PLA1A: variants seen among roughly 807,000 people sequenced by gnomAD.
PLA1A encodes phosphatidylserine-specific phospholipase A1alpha.
A neutral mutation model predicts 49.4 loss-of-function variants in PLA1A; 47 were observed. The observed-to-expected ratio is 0.95, with a 90% CI of 0.75 to 1.21. The LOEUF (loss-of-function observed/expected upper bound fraction) is 1.21, where lower values mean the gene tolerates loss of function less well. Ranked by LOEUF, PLA1A falls within the 50% of genes most tolerant of loss-of-function variation. The probability of loss-of-function intolerance (pLI) is 0.00; values close to 1 mark genes in which losing one functional copy is unlikely to be tolerated. For missense variants in PLA1A, 561 were observed against 563.9 expected (o/e 0.99, Z 0.05); for synonymous variants, 224 against 207.9 (o/e 1.08, Z -0.67).
intron 1 of PLA1A, among the ~76,000 whole-genome samples, chr3:119,600,012 C>T (rs1389751833): frequency 6.6e-6 from 1 of 151,536 alleles, no homozygotes; most frequent in Non-Finnish European, 1.5e-5. Context: ...TAGAAATATG[C>T]CAAAGGGAAA....
intron 9 of PLA1A, among the ~76,000 whole-genome samples, chr3:119,627,964 T>C (rs560317143): frequency 8.2e-4 from 125 of 152,320 alleles, no homozygotes; most frequent in African/African-American, 2.8e-3. Context: ...CATCTTTGTC[T>C]CAGTCCAAAG....
At position 119,598,004 on chromosome 3, in the gene PLA1A, C is replaced by A. The variant is rs182046280; in HGVS notation, c.73+18C>A. ...AAGTTCAGGTAAGCCAGGGCTCAGG[C>A]CTTGGGAGGAACTTATTTCAGTCAG... On this transcript the variant is annotated intron_variant, in intron 1 of 10. Transcript: ENST00000273371. 1,658 of 1,524,832 alleles carry A rather than the reference C, an allele frequency of 1.1e-3. 10 individuals carry two copies. The East Asian group carries it at 0.011, about 11-fold the overall frequency. The allele number at this position is 1,524,832 out of a possible 1,614,324, so 94.5% of individuals were successfully genotyped here.
Position 119,629,751 on chromosome 3 carries a change from C to A in PLA1A, c.*283C>A. On this transcript the variant is annotated 3_prime_UTR_variant, in exon 11 of 11. Coordinates refer to ENST00000273371, the MANE Select transcript of PLA1A (RefSeq NM_015900.4). ...TCCTTGGGCATTCGTACTTAGGATT[C>A]AATAGAAACATGTACAGGGTAAACA... is the stretch of plus-strand genomic sequence containing the variant. 2.6e-6 allele frequency: 1 copy of A among 389,236 alleles called. No homozygotes were observed. Among genetic ancestry groups the A allele is most frequent in the South Asian group, 7.7e-5 (1 of 13,018 alleles). 24.1% of individuals were successfully genotyped at this position (389,236 alleles called of 1,614,324 possible).
intron 9 of PLA1A, among the ~76,000 whole-genome samples, chr3:119,628,102 C>T (rs77463806): frequency 1.6e-4 from 25 of 152,322 alleles, no homozygotes; most frequent in Non-Finnish European, 2.6e-4. Context: ...CCAAACCCTA[C>T]GGTTCAAGTT....
At chr3:119,614,330 G>A (rs1008716181) in intron 5 of PLA1A, among the ~76,000 whole-genome samples, 19 of 152,074 alleles carry the variant, frequency 1.2e-4, no homozygotes, top group Non-Finnish European at 2.9e-5. Flanking sequence ...CTGGTCGGGC[G>A]TGGTGGCTCA....
At chr3:119,623,760 T>C (rs2082978704) in intron 8 of PLA1A, among the ~76,000 whole-genome samples, 1 of 148,798 alleles carries the variant, frequency 6.7e-6, no homozygotes, top group South Asian at 2.1e-4. Flanking sequence ...GTTTCACTCT[T>C]GTCACCCAGG....
chr3:119,614,327 G>A (rs2082813891), intron 5 of PLA1A, among the ~76,000 whole-genome samples: 1 of 152,072 alleles, frequency 6.6e-6, no homozygotes. Flanking sequence ...ATCCTGGTCG[G>A]GCGTGGTGGC....
intron 5 of PLA1A, among the ~76,000 whole-genome samples, chr3:119,615,746 GGT>G (rs2082837003): frequency 6.6e-6 from 1 of 152,076 alleles, no homozygotes. Context: ...GGGAGGCGGA[GGT>G]TGCAGTGAGA....
At chr3:119,615,691 G>A (rs1169104454) in intron 5 of PLA1A, among the ~76,000 whole-genome samples, 1 of 152,138 alleles carries the variant, frequency 6.6e-6, no homozygotes, top group East Asian at 1.9e-4. Flanking sequence ...GCATCCGCCT[G>A]TAATCCCAGC....
In PLA1A at chr3:119,597,955, C is replaced by A. The variant is rs1283357584; in HGVS notation, c.42C>A (p.Gly14=). The stretch of plus-strand genomic sequence containing the variant: ...GGGAGAGCTGCTTCTGGGTGGGGGG[C>A]CTCATTTTGTGGCTCAGCGTTGGAA... ...GPWESCFWVG[G]LILWLSVGSS... The change falls in exon 1 of 11, where the codon GGC becomes GGA. Residue 14 remains glycine, a synonymous_variant. Transcript: ENST00000273371. 2.5e-6 allele frequency: 4 copies of A among 1,610,292 alleles called. No homozygotes were observed. Among genetic ancestry groups the A allele is most frequent in the Admixed American group, 3.3e-5 (2 of 59,766 alleles).
At chr3:119,611,058 G>T (rs2629400) in intron 4 of PLA1A, among the ~76,000 whole-genome samples, 3 of 151,850 alleles carry the variant, frequency 2.0e-5, no homozygotes, top group Non-Finnish European at 4.4e-5. Context: ...ACCATTTATC[G>T]AATAGGGTAT....
At chr3:119,624,780 G>A (rs528457597) in intron 8 of PLA1A, among the ~76,000 whole-genome samples, 88 of 151,988 alleles carry the variant, frequency 5.8e-4, no homozygotes, top group Non-Finnish European at 1.2e-3. Flanking sequence ...ACAGGCACCC[G>A]CCACCACACC....
Position 119,616,032 on chromosome 3 carries a change from G to C in PLA1A, c.685G>C (p.Val229Leu), listed in dbSNP as rs374066099. Residue 229 changes from valine to leucine, a missense_variant, in exon 6 of 11, where the codon GTT becomes CTT. Physicochemically the swap from Val to Leu is conservative, Grantham distance 32. Transcript: ENST00000273371. ...TTCAGATTTGGGTATTCGGATTCCC[G>C]TTGGACATGTGGACTACTTCGTCAA... ...DTDNLGIRIP[V>L]GHVDYFVNGG... 1 of 1,612,358 alleles carries C rather than the reference G, an allele frequency of 6.2e-7. No homozygotes were observed. Among genetic ancestry groups the C allele is most frequent in the African/African-American group, 1.3e-5 (1 of 74,852 alleles).
At chr3:119,608,228 GAGAGAAAGAA>G (rs2082715857) in intron 2 of PLA1A, among the ~76,000 whole-genome samples, 1 of 106,502 alleles carries the variant, frequency 9.4e-6, no homozygotes, top group Non-Finnish European at 2.1e-5. Context: ...GAAAGAAAGA[GAGAGAAAGAA>G]AGAGAGAAAG....
At chr3:119,613,845 A>T (rs2082804538) in intron 5 of PLA1A, among the ~76,000 whole-genome samples, 1 of 151,898 alleles carries the variant, frequency 6.6e-6, no homozygotes, top group Non-Finnish European at 1.5e-5. Flanking sequence ...GGGAGCCGAC[A>T]TCGCGCTACT....
chr3:119,605,380 C>A (rs1026701576), intron 1 of PLA1A, among the ~76,000 whole-genome samples: 4 of 152,222 alleles, frequency 2.6e-5, no homozygotes, highest in Non-Finnish European at 5.9e-5. Flanking sequence ...GAGGTATTCT[C>A]CACAGGTGGG....
At chr3:119,607,470 C>T (rs1281734871) in intron 2 of PLA1A, among the ~76,000 whole-genome samples, 1 of 152,194 alleles carries the variant, frequency 6.6e-6, no homozygotes, top group Non-Finnish European at 1.5e-5. Flanking sequence ...TTTCTTTGAA[C>T]AGCTTTTCTC....
intron 1 of PLA1A, among the ~76,000 whole-genome samples, chr3:119,606,171 C>T (rs2082685426): frequency 6.6e-6 from 1 of 152,186 alleles, no homozygotes; most frequent in African/African-American, 2.4e-5. Context: ...AAATGTATTG[C>T]CTCACAATTC....
At chr3:119,628,915 C>T in intron 10 of PLA1A, 50 bp downstream of exon 10, 1 of 1,453,950 alleles carries the variant, frequency 6.9e-7, no homozygotes, top group African/African-American at 1.4e-5. Context: ...ACATCAAAGA[C>T]CAGTCTTGGC....
Sources: allele counts gnomAD v4.1 joint callset (sites outside exome capture counted in the v4.1 genomes callset), GRCh38; gene constraint gnomAD v4.1.1; transcripts MANE v1.5; gene names NCBI Gene and HGNC (gene_info 2026-07-23, HGNC 2026-07-21).